Variants in CCDC190 observed in about 807,000 individuals in gnomAD.
CCDC190 encodes the protein coiled-coil domain containing 190.
In CCDC190, 10 loss-of-function variants were observed where a neutral mutation model predicts 13.1. The observed-to-expected ratio is 0.77, with a 90% confidence interval of 0.47 to 1.30. The LOEUF (loss-of-function observed/expected upper bound fraction) is 1.30, where lower values mean the gene tolerates loss of function less well. Among genes scored for constraint, CCDC190 ranks in the 50% most tolerant of loss-of-function variants. The pLI is 0.00. For missense variants in CCDC190, 375 were observed against 354.3 expected (o/e 1.06, Z -0.47); for synonymous variants, 136 against 127.2 (o/e 1.07, Z -0.47).
chr1:162,860,612 C>T (rs890577088), intron 1 of CCDC190, among the ~76,000 whole-genome samples: 3 of 151,332 alleles, frequency 2.0e-5, no homozygotes, highest in Admixed American at 1.3e-4. Context: ...GGCTGGAGTG[C>T]AGTGGCGCGA....
At chr1:162,864,563 A>G (rs796101848), upstream of CCDC190, among the ~76,000 whole-genome samples, 73 of 152,314 alleles carry the variant, frequency 4.8e-4, no homozygotes, top group African/African-American at 1.7e-3. Context: ...GATTTACAGC[A>G]TGTAAACATG....
chr1:162,862,136 C>T (rs962157346), upstream of CCDC190, among the ~76,000 whole-genome samples: 2 of 152,064 alleles, frequency 1.3e-5, no homozygotes, highest in African/African-American at 4.8e-5. Context: ...AGACCAGGAT[C>T]GGGATTGTAC....
intron 2 of CCDC190, among the ~76,000 whole-genome samples, chr1:162,857,324 A>G (rs1043725381): frequency 5.9e-5 from 9 of 152,098 alleles, no homozygotes; most frequent in Non-Finnish European, 1.0e-4. Flanking sequence ...TGCATCCAGA[A>G]TTATCTTTTT....
chr1:162,855,859 G>A, intron 2 of CCDC190, 104 bp from the exon 3 acceptor site: 2 of 994,840 alleles, frequency 2.0e-6, no homozygotes, highest in Non-Finnish European at 2.9e-6. Context: ...CTTATTTGGA[G>A]ATAAGGTCTT....
chr1:162,864,572 T>C (rs1650634238), upstream of CCDC190, among the ~76,000 whole-genome samples: 1 of 152,134 alleles, frequency 6.6e-6, no homozygotes, highest in Admixed American at 6.5e-5. Context: ...CATGTAAACA[T>C]GTAAACAGCA....
At position 162,852,824 on chromosome 1, in the gene CCDC190, C is replaced by T; in HGVS notation, c.*1941G>A. 2.7e-6 allele frequency: 1 copy of T among 372,492 alleles called. No homozygotes were observed. The highest frequency in any genetic ancestry group is 4.7e-5 in the East Asian group (1 of 21,162). The allele number at this position is 372,492 out of a possible 1,614,324, so 23.1% of individuals were successfully genotyped here. A position where few individuals can be genotyped will look rare whatever the true frequency, so the allele number is the denominator to read the frequency against. On this transcript the variant is annotated 3_prime_UTR_variant, in exon 4 of 4. Transcript: ENST00000367912. ...GTGAGAGCTAGTACAGTGAAAAGACCCACTTAGCAGTGACAAACCATTCAC... is the reference window on the plus strand; with the variant it reads ...GTGAGAGCTAGTACAGTGAAAAGACTCACTTAGCAGTGACAAACCATTCAC...
chr1:162,861,015 T>C lies in CCDC190; in HGVS notation c.-20A>G. The C allele has an allele frequency of 2.0e-6, 2 of 984,980 alleles. No individual in the cohort carries two copies. The highest frequency in any genetic ancestry group is 2.4e-6 in the Non-Finnish European group (2 of 829,508). 61.0% of individuals were successfully genotyped at this position (984,980 alleles called of 1,614,324 possible). On this transcript the variant is annotated 5_prime_UTR_variant, in exon 1 of 4. Coordinates refer to ENST00000367912, the MANE Select transcript of CCDC190 (RefSeq NM_001394065.1). Reference sequence around the variant, plus strand: ...AGGGCCAGTAGAACTTACCTCCAAATCCAGAGTTTTCACCATGAGACTATG... The same window carrying C: ...AGGGCCAGTAGAACTTACCTCCAAACCCAGAGTTTTCACCATGAGACTATG...
chr1:162,860,660 C>T (rs940167805), intron 1 of CCDC190, among the ~76,000 whole-genome samples: 22 of 152,052 alleles, frequency 1.4e-4, no homozygotes, highest in African/African-American at 5.1e-4. Context: ...TGGGTTCAAC[C>T]GATTCTCCTG....
At chr1:162,858,145 TCA>T (rs1650372493) in intron 2 of CCDC190, among the ~76,000 whole-genome samples, 1 of 152,210 alleles carries the variant, frequency 6.6e-6, no homozygotes, top group African/African-American at 2.4e-5. Flanking sequence ...GATTTTACTG[TCA>T]AGAAGTCTGA....
chr1:162,853,165 A>G lies in CCDC190; in HGVS notation c.*1600T>C, dbSNP rs1650171950. 1 of 1,541,888 alleles carries G rather than the reference A, an allele frequency of 6.5e-7. No homozygotes were observed. The highest frequency in any genetic ancestry group is 1.4e-5 in the African/African-American group (1 of 72,660). ...CCATTGAAGGCCAGAGGCTGGGCTG[A>G]TGAAACTGACTCTCAAATGTTTGAT... On this transcript the variant is annotated 3_prime_UTR_variant, in exon 4 of 4. Transcript: ENST00000367912.
intron 2 of CCDC190, among the ~76,000 whole-genome samples, chr1:162,858,796 A>C (rs770637168): frequency 6.6e-6 from 1 of 152,230 alleles, no homozygotes; most frequent in Admixed American, 6.5e-5. Flanking sequence ...AACTGTGACT[A>C]TTTTCAACAA....
rs765452741 is a variant in CCDC190, at chr1:162,854,256, AAAGG to A, written c.*505_*508del. On this transcript the variant is annotated 3_prime_UTR_variant, in exon 4 of 4. Coordinates refer to ENST00000367912, the MANE Select transcript of CCDC190 (RefSeq NM_001394065.1). ...AACTAAAATGGAGCTATCTGTAAAT[AAAGG>A]AAGGAAGGAAAGGGCTTCCAAAGAG... The A allele has an allele frequency of 2.0e-4, 199 of 985,516 alleles. No individual in the cohort carries two copies. The highest frequency in any genetic ancestry group is 2.3e-4 in the Non-Finnish European group (195 of 830,086). The allele number at this position is 985,516 out of a possible 1,614,324, so 61.0% of individuals were successfully genotyped here. A position where few individuals can be genotyped will look rare whatever the true frequency, so the allele number is the denominator to read the frequency against.
At position 162,852,884 on chromosome 1, in the gene CCDC190, G is replaced by C; in HGVS notation, c.*1881C>G. The C allele has an allele frequency of 1.9e-6, 1 of 530,916 alleles. No homozygotes were observed. Among genetic ancestry groups the C allele is most frequent in the Non-Finnish European group, 3.4e-6 (1 of 295,626 alleles). The allele number at this position is 530,916 out of a possible 1,614,324, so 32.9% of individuals were successfully genotyped here. A position where few individuals can be genotyped will look rare whatever the true frequency, so the allele number is the denominator to read the frequency against. On this transcript the variant is annotated 3_prime_UTR_variant, in exon 4 of 4. Coordinates refer to ENST00000367912, the MANE Select transcript of CCDC190 (RefSeq NM_001394065.1). ...AGCCTTGAGGGAGAATTGTGATGAC[G>C]ATAGGCAAGGCTTGCGTAGAAGACA...
upstream of CCDC190, among the ~76,000 whole-genome samples, chr1:162,863,351 A>G (rs905376832): frequency 6.6e-6 from 1 of 152,216 alleles, no homozygotes; most frequent in African/African-American, 2.4e-5. Context: ...GTTTTCTGAT[A>G]GAATTGAATG....
At chr1:162,861,176 A>C (rs376673282), upstream of CCDC190, 12 of 220,354 alleles carry the variant, frequency 5.4e-5, no homozygotes, top group East Asian at 1.9e-3. Context: ...TGTTAAATAC[A>C]CTTGAAAGCT....
Position 162,854,889 on chromosome 1 carries a change from C to T in CCDC190, c.782G>A (p.Arg261Lys). 6.2e-7 allele frequency: 1 copy of T among 1,614,056 alleles called. No homozygotes were observed. The highest frequency in any genetic ancestry group is 8.5e-7 in the Non-Finnish European group (1 of 1,179,902). The stretch of plus-strand genomic sequence containing the variant: ...CAACCTCTCAGACTCAGGGGGGACC[C>T]TGTGCCGGAGATAATGGGCATTTCT... Reference protein sequence around the residue: ...KARNAHYLRHRVPPESERLLS... With the variant: ...KARNAHYLRHKVPPESERLLS... The change falls in exon 4 of 4, where the codon AGG becomes AAG. Residue 261 changes from arginine (R) to lysine (K), a missense_variant. Coordinates refer to ENST00000367912, the MANE Select transcript of CCDC190 (RefSeq NM_001394065.1).
upstream of CCDC190, among the ~76,000 whole-genome samples, chr1:162,862,632 A>G (rs112343239): frequency 0.01 from 1,548 of 152,342 alleles, 21 homozygotes; most frequent in South Asian, 0.017. Context: ...CACAAAGAAT[A>G]GACAGGAATA....
At chr1:162,861,782 G>A (rs1650527833), upstream of CCDC190, among the ~76,000 whole-genome samples, 1 of 152,154 alleles carries the variant, frequency 6.6e-6, no homozygotes, top group South Asian at 2.1e-4. Context: ...ATACTGAGTG[G>A]GATTTTTACT....
upstream of CCDC190, among the ~76,000 whole-genome samples, chr1:162,861,847 T>C (rs922130232): frequency 2.0e-5 from 3 of 152,166 alleles, no homozygotes; most frequent in Non-Finnish European, 4.4e-5. Flanking sequence ...ACAGTCTAAA[T>C]AGAGCTGCCA....
Sources: allele counts gnomAD v4.1 joint callset (sites outside exome capture counted in the v4.1 genomes callset), GRCh38; gene constraint gnomAD v4.1.1; transcripts MANE v1.5; gene names NCBI Gene and HGNC (gene_info 2026-07-23, HGNC 2026-07-21).